CSMD2: variants seen among roughly 807,000 people sequenced by gnomAD.
The protein encoded by CSMD2 is CUB and sushi domain-containing protein 2.
CSMD2 carries 130 observed loss-of-function variants against 398.5 expected under a neutral mutation model. That is an observed-to-expected ratio of 0.33 (90% CI 0.28 to 0.38). The LOEUF is 0.38. Among genes scored for constraint, CSMD2 ranks in the 10% least tolerant of loss-of-function variants. The pLI, the probability that CSMD2 is intolerant of heterozygous loss-of-function variation, is 1.00. For missense variants in CSMD2, 3,829 were observed against 4,764.9 expected (o/e 0.80, Z 5.78); for synonymous variants, 1,828 against 1,908.5 (o/e 0.96, Z 1.10).
chr1:33,864,093 G>C, intron 5 of CSMD2: 1 of 1,179,822 alleles, frequency 8.5e-7, no homozygotes, highest in Non-Finnish European at 1.2e-6. Flanking sequence ...AGAAAAATTC[G>C]CTGCAAGTAC....
In CSMD2 at chr1:33,743,502, T is replaced by C. The variant is rs779887337; in HGVS notation, c.1951A>G (p.Arg651Gly). 7 of 1,613,950 alleles carry C rather than the reference T, an allele frequency of 4.3e-6. No individual in the cohort carries two copies. Among genetic ancestry groups the C allele is most frequent in the Admixed American group, 3.3e-5 (2 of 60,002 alleles). ...GCCAGGTGGATGCGGCTCTCAGGCC[T>C]GGCCAGGATGAGCCAGACACAGTGG... ...HLHCVWLILA[R>G]PESRIHLAFN... The change falls in exon 14 of 71, where the codon AGG becomes GGG. Residue 651 changes from arginine to glycine, a missense_variant. Transcript: ENST00000373381.
chr1:33,843,691 G>A (rs1407088540), intron 6 of CSMD2, among the ~76,000 whole-genome samples: 23 of 152,180 alleles, frequency 1.5e-4, no homozygotes, highest in Admixed American at 1.5e-3. Flanking sequence ...GCAGGACAGA[G>A]CAGGGCCTCT....
chr1:34,098,630 C>T (rs1055389196), intron 1 of CSMD2, among the ~76,000 whole-genome samples: 3 of 151,096 alleles, frequency 2.0e-5, no homozygotes, highest in East Asian at 1.9e-4. Flanking sequence ...CTTTAATGCA[C>T]ATAAAAATGG....
In CSMD2 at chr1:33,622,291, G is replaced by C. The variant is rs1641821744; in HGVS notation, c.5723-20C>G. ...TTGTTCCTAGGGCAAGGACACCAGG[G>C]AAAACCATTTAAGTTTGGCTCCTCC... is the stretch of plus-strand genomic sequence containing the variant. On this transcript the variant is annotated intron_variant, in intron 36 of 70. Coordinates refer to ENST00000373381, the MANE Select transcript of CSMD2 (RefSeq NM_001281956.2). 6.3e-6 allele frequency: 10 copies of C among 1,592,704 alleles called. No individual in the cohort carries two copies. Among genetic ancestry groups the C allele is most frequent in the Non-Finnish European group, 8.6e-6 (10 of 1,160,778 alleles).
chr1:33,676,536 A>T (rs1476908406), intron 25 of CSMD2, among the ~76,000 whole-genome samples: 1 of 152,230 alleles, frequency 6.6e-6, no homozygotes, highest in Non-Finnish European at 1.5e-5. Context: ...CATACTGCCC[A>T]ACGTAATTTA....
intron 13 of CSMD2, among the ~76,000 whole-genome samples, chr1:33,753,578 C>T (rs1648563025): frequency 6.6e-6 from 1 of 152,204 alleles, no homozygotes; most frequent in Admixed American, 6.5e-5. Context: ...CAGTGAAGTG[C>T]CTGGTGGAGC....
chr1:33,663,030 G>A lies in CSMD2; in HGVS notation c.4115C>T (p.Pro1372Leu). 6.2e-7 allele frequency: 1 copy of A among 1,614,138 alleles called. No homozygotes were observed. ...CTTCAGCAGAACCCCGCTCTCCACA[G>A]GCCCATCCCAGATGCGCAGCACGTC... Reference protein sequence around the residue: ...VHDVLRIWDGPVESGVLLKEL... With the variant: ...VHDVLRIWDGLVESGVLLKEL... Residue 1372 changes from proline to leucine, a missense_variant, in exon 26 of 71, where the codon CCT (proline) becomes CTT (leucine). Physicochemically the swap from Pro to Leu is moderately conservative, Grantham distance 98. Around this residue, in one of 5 missense-constraint regions of CSMD2, gnomAD observed 2,001 missense variants for 2,567.1 expected, o/e 0.78. Coordinates refer to ENST00000373381, the MANE Select transcript of CSMD2 (RefSeq NM_001281956.2).
intron 3 of CSMD2, among the ~76,000 whole-genome samples, chr1:33,968,138 A>T (rs1014279186): frequency 4.6e-5 from 7 of 152,150 alleles, no homozygotes; most frequent in Admixed American, 6.5e-5. Flanking sequence ...TCATAGTCCC[A>T]CACTTCGGGG....
In CSMD2 at chr1:33,636,485, T is replaced by C. The variant is rs757670830; in HGVS notation, c.4844A>G (p.Lys1615Arg). 5.0e-6 allele frequency: 8 copies of C among 1,613,990 alleles called. No individual in the cohort carries two copies. In the African/African-American group the frequency reaches 8.0e-5, roughly 16 times the overall value. ...KNGTRVGSDL[K>R]LGSSVTYYCH... is the part of the protein sequence containing the mutation. Reference sequence around the variant, plus strand: ...GTAGTAGGTGACGGAGGAGCCCAGCTTCAGGTCGGACCCCACCCGTGTGCC... The same window carrying C: ...GTAGTAGGTGACGGAGGAGCCCAGCCTCAGGTCGGACCCCACCCGTGTGCC... Residue 1615 changes from lysine to arginine, a missense_variant, in exon 30 of 71, where the codon AAG (lysine) becomes AGG (arginine). Coordinates refer to ENST00000373381, the MANE Select transcript of CSMD2 (RefSeq NM_001281956.2). This position sits in a 1 kb window ranked among gnomAD's most constrained non-coding sequence, Gnocchi z 4.8.
At chr1:33,777,010 G>C (rs1168940011) in intron 12 of CSMD2, among the ~76,000 whole-genome samples, 1 of 152,108 alleles carries the variant, frequency 6.6e-6, no homozygotes, top group Non-Finnish European at 1.5e-5. Flanking sequence ...AAGTAGGGAG[G>C]AGGAGATCAG....
chr1:33,740,059 T>C (rs1358724810), intron 14 of CSMD2, among the ~76,000 whole-genome samples: 2 of 152,168 alleles, frequency 1.3e-5, no homozygotes, highest in African/African-American at 4.8e-5. Context: ...CATCCTTCAC[T>C]TGCAGGGTCA....
rs1259820774 is a variant in CSMD2, at chr1:33,815,074, C to A, written c.1325-4210G>T. 2.0e-5 allele frequency among the ~76,000 whole-genome samples: 3 copies of A among 152,150 alleles called. No individual in the cohort carries two copies. The East Asian group carries it at 5.8e-4, about 29-fold the overall frequency. ...GGGGGCTGGGGGGCTACCAGGAGAA[C>A]TGTGGTATCACGACAGATTCATGGT... On this transcript the variant is annotated intron_variant, in intron 9 of 70. Transcript: ENST00000373381.
At chr1:33,752,799 G>A (rs1190666481) in intron 13 of CSMD2, among the ~76,000 whole-genome samples, 1 of 152,212 alleles carries the variant, frequency 6.6e-6, no homozygotes, top group Non-Finnish European at 1.5e-5. Flanking sequence ...CAGGCTAACA[G>A]GTCTTAGATG....
In CSMD2 at chr1:33,611,256, A is replaced by G. The variant is rs777751982; in HGVS notation, c.6134-6T>C. Reference sequence around the variant, plus strand: ...CAGGAACTGGATGTGAGCTCCTGGGAGCAAGACAGAGGCAGACAGTGCCCA... The same window carrying G: ...CAGGAACTGGATGTGAGCTCCTGGGGGCAAGACAGAGGCAGACAGTGCCCA... On this transcript the variant is annotated splice_polypyrimidine_tract_variant and splice_region_variant and intron_variant, in intron 40 of 70. Transcript: ENST00000373381. 11 of 1,612,122 alleles carry G rather than the reference A, an allele frequency of 6.8e-6. No homozygotes were observed. The highest frequency in any genetic ancestry group is 2.7e-5 in the African/African-American group (2 of 74,820).
At chr1:34,002,005 C>G (rs1208008516) in intron 3 of CSMD2, among the ~76,000 whole-genome samples, 1 of 152,158 alleles carries the variant, frequency 6.6e-6, no homozygotes, top group East Asian at 1.9e-4. Flanking sequence ...GTCTAATGAT[C>G]TGAAGTTTAA....
intron 3 of CSMD2, among the ~76,000 whole-genome samples, chr1:34,013,010 G>A (rs1037728356): frequency 3.3e-5 from 5 of 152,138 alleles, no homozygotes; most frequent in Non-Finnish European, 1.5e-5. Context: ...TAGCCTTTAG[G>A]AAGAAGCCCA....
chr1:33,853,751 G>A (rs1051507124), intron 5 of CSMD2, among the ~76,000 whole-genome samples: 1 of 152,208 alleles, frequency 6.6e-6, no homozygotes, highest in Non-Finnish European at 1.5e-5. Context: ...TAGTCCAGCT[G>A]GCTTCTTTGG....
intron 20 of CSMD2, among the ~76,000 whole-genome samples, chr1:33,715,185 A>G (rs1343568839): frequency 2.0e-5 from 3 of 152,164 alleles, no homozygotes; most frequent in Non-Finnish European, 4.4e-5. Flanking sequence ...CTTGGGGCTC[A>G]CAGGCTCTCC....
chr1:33,691,792 C>T (rs997151286), intron 25 of CSMD2, among the ~76,000 whole-genome samples: 21 of 152,198 alleles, frequency 1.4e-4, no homozygotes, highest in African/African-American at 5.1e-4. Context: ...CATAACCAGG[C>T]TATACTTTAC....
Sources: gnomAD v4.1 joint callset for allele counts (sites outside exome capture counted in the v4.1 genomes callset) on GRCh38, gnomAD v4.1.1 for gene constraint, gnomAD v4.1.1 regional missense constraint, Gnocchi (gnomAD v3.1) non-coding constraint, MANE v1.5 for transcripts, NCBI Gene and HGNC (gene_info 2026-07-23, HGNC 2026-07-21) for gene names.